Variants in SCNN1B observed in about 807,000 individuals in gnomAD.
SCNN1B encodes the protein epithelial sodium channel subunit beta.
Under a neutral mutation model 65.3 loss-of-function variants are expected in SCNN1B, and 46 were observed. The observed-to-expected ratio is 0.70, with a 90% CI of 0.56 to 0.90. SCNN1B has a LOEUF of 0.90. SCNN1B is among the 40% of genes least tolerant of loss of function. The pLI, the probability that SCNN1B is intolerant of heterozygous loss-of-function variation, is 0.00. For missense variants in SCNN1B, 751 were observed against 830.5 expected (o/e 0.90, Z 1.18); for synonymous variants, 349 against 330.6 (o/e 1.06, Z -0.60).
At chr16:23,343,581 G>GAGAAGAAAGAAAGAA (rs1346226245) in intron 1 of SCNN1B, among the ~76,000 whole-genome samples, 1 of 70,324 alleles carries the variant, frequency 1.4e-5, no homozygotes, top group Non-Finnish European at 2.6e-5. Context: ...GAAAGAAAAA[G>GAGAAGAAAGAAAGAA]AGAAAGAAAG....
chr16:23,291,023 T>A (rs1205650765), intron 2 of SCNN1B, among the ~76,000 whole-genome samples: 2 of 152,020 alleles, frequency 1.3e-5, no homozygotes, highest in Admixed American at 6.6e-5. Flanking sequence ...TTAAAAAAAA[T>A]TCATAAATCT....
chr16:23,288,415 C>A (rs1596806972), intron 2 of SCNN1B, among the ~76,000 whole-genome samples: 2 of 152,306 alleles, frequency 1.3e-5, no homozygotes, highest in African/African-American at 4.8e-5. Flanking sequence ...TAAAACATTA[C>A]TCATTTATTA....
chr16:23,335,249 G>T (rs777986611), intron 1 of SCNN1B, among the ~76,000 whole-genome samples: 2 of 152,138 alleles, frequency 1.3e-5, no homozygotes, highest in Admixed American at 6.5e-5. Context: ...CTCCTTTTCT[G>T]CCTGTTCCCC....
intron 1 of SCNN1B, among the ~76,000 whole-genome samples, chr16:23,337,524 C>G (rs1472430775): frequency 6.6e-6 from 1 of 151,786 alleles, no homozygotes; most frequent in Non-Finnish European, 1.5e-5. Flanking sequence ...ATTATAGGCA[C>G]CTGTCACCAT....
intron 7 of SCNN1B, among the ~76,000 whole-genome samples, chr16:23,374,510 GT>G (rs1962850662): frequency 7.1e-6 from 1 of 140,980 alleles, no homozygotes; most frequent in Admixed American, 7.7e-5. Flanking sequence ...GGAGGTTGAG[GT>G]TGCAGTGAGC....
chr16:23,371,221 CT>C (rs72654340), intron 5 of SCNN1B, 77 bp from the exon 6 acceptor site: 243 of 1,543,458 alleles, frequency 1.6e-4, no homozygotes, highest in Non-Finnish European at 2.1e-4. Context: ...CCGGAGGGAG[CT>C]TGGAGAAGTG....
At chr16:23,360,217 T>TAAATAAATAAAC (rs1567311388) in intron 4 of SCNN1B, among the ~76,000 whole-genome samples, 11 of 150,108 alleles carry the variant, frequency 7.3e-5, no homozygotes, top group African/African-American at 2.5e-4. Context: ...AATAAATAAA[T>TAAATAAATAAAC]AAATAAATAA....
At position 23,348,581 on chromosome 16, in the gene SCNN1B, C is replaced by A. The variant is rs544363815; in HGVS notation, c.-8-11C>A. On this transcript the variant is annotated splice_polypyrimidine_tract_variant and intron_variant, in intron 1 of 12. Transcript: ENST00000343070. The surrounding 1 kb of genome is among the most constrained non-coding windows in gnomAD (Gnocchi z 4.5). ...GTCCCAGCTGATGTGCGTCCCCATG[C>A]CTCTCTGCAGGTGCCACTATGCACG... 3.7e-6 allele frequency: 6 copies of A among 1,611,912 alleles called. No homozygotes were observed. The Admixed American group carries it at 6.7e-5, about 18-fold the overall frequency.
chr16:23,314,905 G>T (rs895979282), intron 1 of SCNN1B, among the ~76,000 whole-genome samples: 1 of 152,214 alleles, frequency 6.6e-6, no homozygotes, highest in Non-Finnish European at 1.5e-5. Context: ...TTGGATCCAA[G>T]GCCATCTACT....
upstream of SCNN1B, among the ~76,000 whole-genome samples, chr16:23,300,133 T>C (rs566158670): frequency 1.4e-3 from 212 of 151,718 alleles, no homozygotes; most frequent in African/African-American, 4.5e-3. Flanking sequence ...TAAGTGGGAG[T>C]TGAACAATGA....
Position 23,377,347 on chromosome 16 carries a change from G to A in SCNN1B, c.1365G>A (p.Met455Ile). The change falls in exon 10 of 13, where the codon ATG becomes ATA. Residue 455 changes from methionine to isoleucine, a missense_variant. Coordinates refer to ENST00000343070, the MANE Select transcript of SCNN1B (RefSeq NM_000336.3). ...CTTTCAGTGACACCCAGTACAAGAT[G>A]ACCATCTCCATGGCTGACTGGCCTT... Reference protein sequence around the residue: ...KESCNDTQYKMTISMADWPSE... With the variant: ...KESCNDTQYKITISMADWPSE... The A allele has an allele frequency of 6.2e-7, 1 of 1,614,162 alleles. No individual in the cohort carries two copies. Among genetic ancestry groups the A allele is most frequent in the Non-Finnish European group, 8.5e-7 (1 of 1,180,030 alleles).
At chr16:23,376,442 T>C (rs945955769) in intron 8 of SCNN1B, among the ~76,000 whole-genome samples, 2 of 151,822 alleles carry the variant, frequency 1.3e-5, no homozygotes, top group African/African-American at 2.4e-5. Context: ...TGTGGGCTCA[T>C]TGGGTCTCTC....
At chr16:23,366,369 C>T (rs995243621) in intron 4 of SCNN1B, among the ~76,000 whole-genome samples, 1 of 145,138 alleles carries the variant, frequency 6.9e-6, no homozygotes, top group African/African-American at 2.7e-5. Context: ...CTACTCCTGG[C>T]TTTTTATTTT....
chr16:23,294,095 C>A (rs1217647905), intron 2 of SCNN1B, among the ~76,000 whole-genome samples: 1 of 152,134 alleles, frequency 6.6e-6, no homozygotes, highest in Non-Finnish European at 1.5e-5. Flanking sequence ...TGTGGTGGAT[C>A]ATGACTGTAA....
At chr16:23,319,133 T>C (rs180755937) in intron 1 of SCNN1B, among the ~76,000 whole-genome samples, 26 of 151,862 alleles carry the variant, frequency 1.7e-4, no homozygotes, top group African/African-American at 6.0e-4. Context: ...CTCCACCTCC[T>C]GGGTTCAAGT....
At chr16:23,304,031 T>C in intron 1 of SCNN1B, 1 of 1,528,008 alleles carries the variant, frequency 6.5e-7, no homozygotes, top group Non-Finnish European at 8.8e-7. Context: ...GCTTATTTAT[T>C]TAAACTGCTG....
intron 1 of SCNN1B, among the ~76,000 whole-genome samples, chr16:23,319,368 A>C (rs1961539711): frequency 6.6e-6 from 1 of 152,124 alleles, no homozygotes; most frequent in South Asian, 2.1e-4. Context: ...CCTTGCCCTC[A>C]ATTAATTCCT....
At chr16:23,313,529 G>A (rs1488651686) in intron 1 of SCNN1B, among the ~76,000 whole-genome samples, 5 of 152,140 alleles carry the variant, frequency 3.3e-5, no homozygotes, top group African/African-American at 7.2e-5. Flanking sequence ...ACATGCTATC[G>A]TTTGCCAAAT....
intron 2 of SCNN1B, among the ~76,000 whole-genome samples, chr16:23,289,696 G>A (rs1280567719): frequency 8.4e-6 from 1 of 118,484 alleles, no homozygotes; most frequent in African/African-American, 3.8e-5. Context: ...TTTTTTTTGA[G>A]GCAGAGTCTC....
Sources: allele counts gnomAD v4.1 joint callset (sites outside exome capture counted in the v4.1 genomes callset), GRCh38; gene constraint gnomAD v4.1.1; non-coding constraint Gnocchi (gnomAD v3.1); transcripts MANE v1.5; gene names NCBI Gene and HGNC (gene_info 2026-07-23, HGNC 2026-07-21).